Variants in GIPC2 observed in about 807,000 individuals in gnomAD.
GIPC2 encodes GIPC PDZ domain containing family member 2.
GIPC2 carries 30 observed loss-of-function variants against 30.6 expected under a neutral mutation model. That is an observed-to-expected ratio of 0.98 (90% CI 0.73 to 1.33). GIPC2 has a LOEUF of 1.33. Ranked by LOEUF, GIPC2 falls within the 40% of genes most tolerant of loss-of-function variation. GIPC2 has a pLI of 0.00. For missense variants in GIPC2, 414 were observed against 390.3 expected (o/e 1.06, Z -0.51); for synonymous variants, 167 against 150.0 (o/e 1.11, Z -0.83).
Position 78,055,893 on chromosome 1 carries a change from C to G in GIPC2, c.240+9559C>G, listed in dbSNP as rs562153379. Among the ~76,000 whole-genome samples, 13 of 152,284 alleles carry G rather than the reference C, an allele frequency of 8.5e-5. No homozygotes were observed. The South Asian group carries it at 2.5e-3, about 29-fold the overall frequency. On this transcript the variant is annotated intron_variant, in intron 1 of 5. Coordinates refer to ENST00000370759, the MANE Select transcript of GIPC2 (RefSeq NM_017655.6). The stretch of plus-strand genomic sequence containing the variant: ...TTAGGGGAACGTAAATGGCAGACAC[C>G]TTCCATGGCCTGTTTAGAAAACGAA...
chr1:78,132,976 C>G lies in GIPC2; in HGVS notation c.797-2616C>G, dbSNP rs547760310. Among the ~76,000 whole-genome samples the G allele has an allele frequency of 5.3e-5, 8 of 152,296 alleles. 1 individual carries two copies. The South Asian group carries it at 1.7e-3, about 32-fold the overall frequency. On this transcript the variant is annotated intron_variant, in intron 5 of 5. Coordinates refer to ENST00000370759, the MANE Select transcript of GIPC2 (RefSeq NM_017655.6). ...TTAAAATGGTAGAGTAAGCAAAATT[C>G]TGAACTGGAGTTCTACTTCAGCAGT...
At chr1:78,102,571 G>C (rs750097692) in intron 3 of GIPC2, among the ~76,000 whole-genome samples, 1 of 152,204 alleles carries the variant, frequency 6.6e-6, no homozygotes, top group African/African-American at 2.4e-5. Context: ...ATAAATTTCA[G>C]TAGTTAAGTG....
intron 1 of GIPC2, among the ~76,000 whole-genome samples, chr1:78,072,842 T>C (rs1266291268): frequency 6.6e-6 from 1 of 152,062 alleles, no homozygotes; most frequent in Non-Finnish European, 1.5e-5. Flanking sequence ...CCTTGCTCTG[T>C]CGCCCAGGCT....
chr1:78,089,300 T>G (rs570061557), intron 2 of GIPC2, among the ~76,000 whole-genome samples: 2 of 152,316 alleles, frequency 1.3e-5, no homozygotes, highest in Non-Finnish European at 2.9e-5. Flanking sequence ...CATTAAACTT[T>G]TCTGAGCCTT....
rs527509768 is a variant in GIPC2 at position 78,068,130 on chromosome 1, C to CA, written c.241-12535dup. On this transcript the variant is annotated intron_variant, in intron 1 of 5. Coordinates refer to ENST00000370759, the MANE Select transcript of GIPC2 (RefSeq NM_017655.6). ...TTTGTCAATGCTTATTCTTCTAAGC[C>CA]AAAAAAAAAACCTTTTAGTAATACA... is the stretch of plus-strand genomic sequence containing the variant. 1.0e-3 allele frequency among the ~76,000 whole-genome samples: 153 copies of CA among 146,422 alleles called. 1 individual carries two copies. Among genetic ancestry groups the CA allele is most frequent in the Middle Eastern group, 3.5e-3 (1 of 288 alleles).
intron 1 of GIPC2, among the ~76,000 whole-genome samples, chr1:78,079,059 T>C (rs1233863516): frequency 2.0e-5 from 3 of 152,188 alleles, no homozygotes; most frequent in Middle Eastern, 3.4e-3. Context: ...CCGATTTTTT[T>C]CCCCCTGAGA....
At chr1:78,107,661 C>A (rs898571770) in intron 3 of GIPC2, among the ~76,000 whole-genome samples, 5 of 151,536 alleles carry the variant, frequency 3.3e-5, no homozygotes, top group African/African-American at 1.2e-4. Flanking sequence ...CCCATCTCTT[C>A]TAAAAATATA....
At chr1:78,057,886 G>A (rs1661324938) in intron 1 of GIPC2, among the ~76,000 whole-genome samples, 1 of 152,200 alleles carries the variant, frequency 6.6e-6, no homozygotes, top group South Asian at 2.1e-4. Flanking sequence ...CAATGAGACT[G>A]AATGCAATAG....
chr1:78,095,995 T>C (rs1234814269), intron 3 of GIPC2, among the ~76,000 whole-genome samples: 1 of 152,252 alleles, frequency 6.6e-6, no homozygotes, highest in Non-Finnish European at 1.5e-5. Flanking sequence ...TTATGTTTTC[T>C]GTGTCTTAGC....
intron 2 of GIPC2, chr1:78,091,728 A>G (rs890433052): frequency 5.9e-5 from 46 of 775,054 alleles, no homozygotes; most frequent in Non-Finnish European, 9.9e-5. Flanking sequence ...GCCTTTGCAT[A>G]CAAGAATGTT....
At chr1:78,115,177 T>A (rs1011664026) in intron 3 of GIPC2, among the ~76,000 whole-genome samples, 1 of 141,176 alleles carries the variant, frequency 7.1e-6, no homozygotes, top group African/African-American at 2.7e-5. Flanking sequence ...TTTATTTTTA[T>A]TTTTTTTTCA....
rs537133002 is a variant in GIPC2, at chr1:78,105,581, C to T, written c.607+10449C>T. On this transcript the variant is annotated intron_variant, in intron 3 of 5. Coordinates refer to ENST00000370759, the MANE Select transcript of GIPC2 (RefSeq NM_017655.6). ...GATTACAGGCATGAGCCACCTTGCC[C>T]GACCAGAACCGTAATGTTTTTTAAG... is the stretch of plus-strand genomic sequence containing the variant. Among the ~76,000 whole-genome samples, 6 of 152,114 alleles carry T rather than the reference C, an allele frequency of 3.9e-5. No individual in the cohort carries two copies. The East Asian group carries it at 9.7e-4, about 25-fold the overall frequency.
At chr1:78,120,145 C>G (rs140176067) in intron 4 of GIPC2, among the ~76,000 whole-genome samples, 4 of 152,374 alleles carry the variant, frequency 2.6e-5, no homozygotes, top group African/African-American at 9.6e-5. Context: ...TTTCTGTTCA[C>G]AACCCTCCAG....
intron 5 of GIPC2, among the ~76,000 whole-genome samples, chr1:78,132,665 A>ATGTGTGTGTGTGTGTGTGTG (rs61463492): frequency 8.4e-5 from 12 of 142,606 alleles, no homozygotes; most frequent in Admixed American, 1.4e-4. Context: ...ATAGCCAAGG[A>ATGTGTGTGTGTGTGTGTGTG]TGTGTGTGTG....
At chr1:78,132,638 G>C (rs1469101483) in intron 5 of GIPC2, among the ~76,000 whole-genome samples, 1 of 147,114 alleles carries the variant, frequency 6.8e-6, no homozygotes, top group Admixed American at 6.8e-5. Context: ...GTACCAAGTT[G>C]TTTCTTTTTC....
chr1:78,125,098 A>T (rs1662758561), intron 4 of GIPC2, among the ~76,000 whole-genome samples: 1 of 152,138 alleles, frequency 6.6e-6, no homozygotes, highest in Non-Finnish European at 1.5e-5. Context: ...TGGCAGAATT[A>T]TGGCTCACTA....
chr1:78,088,409 A>G (rs1158456950), intron 2 of GIPC2, among the ~76,000 whole-genome samples: 2 of 152,268 alleles, frequency 1.3e-5, no homozygotes, highest in Non-Finnish European at 1.5e-5. Flanking sequence ...ATGGAATACT[A>G]TGCAGCATTA....
At chr1:78,083,122 G>A (rs1661863630) in intron 2 of GIPC2, among the ~76,000 whole-genome samples, 1 of 151,820 alleles carries the variant, frequency 6.6e-6, no homozygotes. Flanking sequence ...TCCTAATTGT[G>A]TTCATTATTT....
At chr1:78,051,786 C>T (rs1276627972) in intron 1 of GIPC2, among the ~76,000 whole-genome samples, 1 of 152,206 alleles carries the variant, frequency 6.6e-6, no homozygotes, top group Admixed American at 6.5e-5. Context: ...TGAGCCACCG[C>T]ACCTGGCGTA....
Sources: gnomAD v4.1 joint callset for allele counts (sites outside exome capture counted in the v4.1 genomes callset) on GRCh38, gnomAD v4.1.1 for gene constraint, MANE v1.5 for transcripts, NCBI Gene and HGNC (gene_info 2026-07-23, HGNC 2026-07-21) for gene names.